Variants in METTL8 observed in about 807,000 individuals in gnomAD.
METTL8 encodes methyltransferase 8, tRNA N3-cytidine, also known as tRNA N(3)-cytidine methyltransferase METTL8, mitochondrial.
In METTL8, 32 loss-of-function variants were observed where a neutral mutation model predicts 48.7. That is an observed-to-expected ratio of 0.66 (90% confidence interval 0.50 to 0.88). METTL8 has a LOEUF of 0.88. Among genes scored for constraint, METTL8 ranks in the 40% least tolerant of loss-of-function variants. The pLI, the probability that METTL8 is intolerant of heterozygous loss-of-function variation, is 0.00. For missense variants in METTL8, 464 were observed against 474.4 expected, an observed-to-expected ratio of 0.98 and a Z score of 0.20; for synonymous variants, 136 against 157.1, an observed-to-expected ratio of 0.87 and a Z score of 1.01.
chr2:171,384,340 T>C (rs1331737191), intron 2 of METTL8, among the ~76,000 whole-genome samples: 1 of 152,048 alleles, frequency 6.6e-6, no homozygotes, highest in Non-Finnish European at 1.5e-5. Context: ...AAACCCCATG[T>C]ATACTAAAAA....
At chr2:171,336,281 G>C (rs535171645) in intron 5 of METTL8, among the ~76,000 whole-genome samples, 2 of 151,064 alleles carry the variant, frequency 1.3e-5, no homozygotes, top group South Asian at 2.1e-4. Flanking sequence ...ATTTTTAGTA[G>C]AGATGGGGTT....
chr2:171,360,258 T>C (rs533699384), intron 3 of METTL8, among the ~76,000 whole-genome samples, 164 bp downstream of exon 3: 91 of 152,306 alleles, frequency 6.0e-4, no homozygotes, highest in Non-Finnish European at 5.9e-5. Flanking sequence ...AATACAAATT[T>C]CATTAACTTT....
intron 2 of METTL8, among the ~76,000 whole-genome samples, chr2:171,371,010 T>C (rs2105501011): frequency 6.6e-6 from 1 of 152,312 alleles, no homozygotes; most frequent in South Asian, 2.1e-4. Context: ...TACTCTGAAA[T>C]TATAATTATT....
intron 1 of METTL8, among the ~76,000 whole-genome samples, chr2:171,410,349 A>G (rs1690624273): frequency 6.6e-6 from 1 of 152,224 alleles, no homozygotes; most frequent in Non-Finnish European, 1.5e-5. Context: ...ATTTTCCCAA[A>G]TAGCTGAAAC....
chr2:171,342,297 A>T (rs921029947), intron 3 of METTL8, among the ~76,000 whole-genome samples: 1 of 152,238 alleles, frequency 6.6e-6, no homozygotes, highest in Non-Finnish European at 1.5e-5. Context: ...TCTGTATTTA[A>T]GGTCTGAGAA....
At chr2:171,374,851 CTTT>C in intron 2 of METTL8, 1 of 583,594 alleles carries the variant, frequency 1.7e-6, no homozygotes, top group South Asian at 1.8e-5. Context: ...GTATGTTTAA[CTTT>C]TTTTTTTTTA....
chr2:171,365,488 GTGAGCAAGCCTC>G (rs1347722609), intron 2 of METTL8, among the ~76,000 whole-genome samples: 1 of 152,112 alleles, frequency 6.6e-6, no homozygotes, highest in Non-Finnish European at 1.5e-5. Flanking sequence ...GCTCAGGGCC[GTGAGCAAGCCTC>G]TGATGCTCTG....
intron 2 of METTL8, among the ~76,000 whole-genome samples, chr2:171,390,397 T>C (rs146682018): frequency 8.8e-4 from 134 of 152,328 alleles, no homozygotes; most frequent in African/African-American, 3.0e-3. Flanking sequence ...ATTTAAGAAC[T>C]ACATTTCGTA....
chr2:171,372,614 C>T (rs1358106869), intron 2 of METTL8, among the ~76,000 whole-genome samples: 2 of 152,058 alleles, frequency 1.3e-5, no homozygotes, highest in Non-Finnish European at 2.9e-5. Context: ...GGTACATCTC[C>T]TAATGCTATC....
intron 2 of METTL8, among the ~76,000 whole-genome samples, chr2:171,368,363 T>C (rs1401097073): frequency 6.6e-6 from 1 of 152,208 alleles, no homozygotes; most frequent in African/African-American, 2.4e-5. Flanking sequence ...CTGATAAAGC[T>C]ATAGTTATTT....
At chr2:171,371,800 T>A (rs1254251897) in intron 2 of METTL8, among the ~76,000 whole-genome samples, 1 of 149,992 alleles carries the variant, frequency 6.7e-6, no homozygotes, top group Non-Finnish European at 1.5e-5. Context: ...CCCAGCTAAT[T>A]TTTAAAATTT....
At chr2:171,413,520 T>C (rs1690963799) in intron 1 of METTL8, among the ~76,000 whole-genome samples, 2 of 152,222 alleles carry the variant, frequency 1.3e-5, no homozygotes, top group Non-Finnish European at 2.9e-5. Context: ...ATGGGTTTAT[T>C]AGTCTTATTT....
chr2:171,415,921 T>G (rs1691271882), intron 1 of METTL8, among the ~76,000 whole-genome samples: 1 of 152,150 alleles, frequency 6.6e-6, no homozygotes, highest in Admixed American at 6.5e-5. Context: ...TTATGGATGC[T>G]GATTAAGGTG....
At chr2:171,372,359 C>A (rs137951379) in intron 2 of METTL8, among the ~76,000 whole-genome samples, 2 of 152,046 alleles carry the variant, frequency 1.3e-5, no homozygotes, top group African/African-American at 4.8e-5. Flanking sequence ...TCCCTCTCAT[C>A]CCCATTCCCA....
At chr2:171,341,623 T>C (rs145017233) in intron 3 of METTL8, among the ~76,000 whole-genome samples, 21 of 151,906 alleles carry the variant, frequency 1.4e-4, no homozygotes, top group African/African-American at 4.8e-4. Context: ...TATTATGTAA[T>C]AGGCCTAATC....
intron 1 of METTL8, among the ~76,000 whole-genome samples, chr2:171,431,587 G>T (rs1372274656): frequency 1.3e-5 from 2 of 152,170 alleles, no homozygotes; most frequent in Non-Finnish European, 2.9e-5. Context: ...CCCTCCGATT[G>T]TTAGTGTAAT....
At chr2:171,422,330 C>G (rs1267780305) in intron 1 of METTL8, among the ~76,000 whole-genome samples, 4 of 152,156 alleles carry the variant, frequency 2.6e-5, no homozygotes, top group African/African-American at 9.7e-5. Flanking sequence ...ATACCATACT[C>G]TCAAATCAAT....
intron 1 of METTL8, among the ~76,000 whole-genome samples, chr2:171,416,006 G>A (rs1348360622): frequency 6.6e-6 from 1 of 152,244 alleles, no homozygotes; most frequent in Admixed American, 6.5e-5. Context: ...GAAACCAACA[G>A]CCCATGCTAG....
chr2:171,361,629 A>T (rs1685180526), intron 2 of METTL8, among the ~76,000 whole-genome samples: 1 of 152,318 alleles, frequency 6.6e-6, no homozygotes, highest in South Asian at 2.1e-4. Context: ...TAGGGTTATA[A>T]TCATGTCCAC....
Sources: gnomAD v4.1 joint callset for allele counts (sites outside exome capture counted in the v4.1 genomes callset) on GRCh38, gnomAD v4.1.1 for gene constraint, MANE v1.5 for transcripts, NCBI Gene and HGNC (gene_info 2026-07-23, HGNC 2026-07-21) for gene names.